FYCO1: variants seen among roughly 807,000 people sequenced by gnomAD.
FYCO1 encodes the protein FYVE and coiled-coil domain autophagy adaptor 1.
A neutral mutation model predicts 165.1 loss-of-function variants in FYCO1; 122 were observed. The ratio of observed to expected loss-of-function variants is 0.74; its 90% confidence interval spans 0.64 to 0.86. The LOEUF (loss-of-function observed/expected upper bound fraction) is 0.86. Among genes scored for constraint, FYCO1 ranks in the 40% least tolerant of loss-of-function variants. FYCO1 has a pLI of 0.00. For missense variants in FYCO1, 1,702 were observed against 1,810.3 expected (o/e 0.94, Z 1.09); for synonymous variants, 648 against 742.5 (o/e 0.87, Z 2.07).
intron 15 of FYCO1, among the ~76,000 whole-genome samples, chr3:45,933,017 C>A (rs1250184182): frequency 6.6e-6 from 1 of 152,184 alleles, no homozygotes; most frequent in Non-Finnish European, 1.5e-5. Context: ...TCCCCTGGCA[C>A]CCAGGTATTT....
Position 45,967,980 on chromosome 3 carries a change from T to G in FYCO1, c.1354A>C (p.Met452Leu). 6.2e-7 allele frequency: 1 copy of G among 1,614,116 alleles called. No individual in the cohort carries two copies. The highest frequency in any genetic ancestry group is 8.5e-7 in the Non-Finnish European group (1 of 1,180,022). ...GACAACTCCTCCTGGAGTGGGGCCA[T>G]CTCCTTCACCAGGCGCTCCAGGCTG... The part of the protein sequence containing the change: ...RASLERLVKE[M>L]APLQEELSGK... Residue 452 changes from methionine to leucine, a missense_variant, in exon 8 of 18, where the codon ATG becomes CTG. By Grantham distance (15) the Met-to-Leu change is conservative. Coordinates refer to ENST00000296137, the MANE Select transcript of FYCO1 (RefSeq NM_024513.4).
chr3:45,979,872 T>A, intron 3 of FYCO1, 42 bp from the exon 4 acceptor site: 1 of 1,611,580 alleles, frequency 6.2e-7, no homozygotes, highest in Non-Finnish European at 8.5e-7. Context: ...CCAAACCCAC[T>A]GCTCTTCATT....
In FYCO1 at chr3:45,967,921, T is replaced by A. The variant is rs149119466; in HGVS notation, c.1413A>T (p.Arg471=). 6.8e-6 allele frequency: 11 copies of A among 1,613,988 alleles called. No individual in the cohort carries two copies. The highest frequency in any genetic ancestry group is 9.3e-6 in the Non-Finnish European group (11 of 1,180,036). Residue 471 remains arginine, a synonymous_variant, in exon 8 of 18, where the codon CGA becomes CGT. Coordinates refer to ENST00000296137, the MANE Select transcript of FYCO1 (RefSeq NM_024513.4). ...TGTGGGCCAGCAACTCCTGCAGCCG[T>A]CGCCAGAGCTGGTCTGCCTCCTGTC... The part of the protein sequence containing the change: ...GKGQEADQLW[R]RLQELLAHTS...
Position 45,966,271 on chromosome 3 carries a change from G to T in FYCO1, c.3057+6C>A. 2 of 1,613,408 alleles carry T rather than the reference G, an allele frequency of 1.2e-6. No individual in the cohort carries two copies. The highest frequency in any genetic ancestry group is 1.7e-6 in the Non-Finnish European group (2 of 1,180,002). On this transcript the variant is annotated splice_donor_region_variant and intron_variant, in intron 8 of 17. Coordinates refer to ENST00000296137, the MANE Select transcript of FYCO1 (RefSeq NM_024513.4). Reference sequence around the variant, plus strand: ...GTAGAGCCCAAGTGGTTGAAGCTAGGATTACCTTAAGTCTGCTCTGGTAGT... The same window carrying T: ...GTAGAGCCCAAGTGGTTGAAGCTAGTATTACCTTAAGTCTGCTCTGGTAGT...
At chr3:45,972,984 A>T in intron 6 of FYCO1, 104 bp downstream of exon 6, 1 of 1,204,268 alleles carries the variant, frequency 8.3e-7, no homozygotes, top group Non-Finnish European at 1.2e-6. Flanking sequence ...AGGTTTGTGT[A>T]ATTTACTGAG....
intron 5 of FYCO1, among the ~76,000 whole-genome samples, chr3:45,974,011 T>C (rs1465383016): frequency 1.3e-5 from 2 of 152,248 alleles, no homozygotes; most frequent in African/African-American, 2.4e-5. Context: ...CAGTAAGCCA[T>C]GATCATGCCA....
In FYCO1 at chr3:45,966,586, G is replaced by C. The variant is rs142981160; in HGVS notation, c.2748C>G (p.Thr916=). ...CCTCCTCCACTCGCTCCTTTTCCACGGTCAGTGCGCAAACCTGGATGCCCA... is the reference window on the plus strand; with the variant it reads ...CCTCCTCCACTCGCTCCTTTTCCACCGTCAGTGCGCAAACCTGGATGCCCA... ...AELGIQVCAL[T]VEKERVEEAL... The change falls in exon 8 of 18, where the codon ACC becomes ACG. Residue 916 remains threonine (T), a synonymous_variant. Coordinates refer to ENST00000296137, the MANE Select transcript of FYCO1 (RefSeq NM_024513.4). The C allele has an allele frequency of 7.4e-6, 12 of 1,614,172 alleles. No homozygotes were observed. The South Asian group carries it at 8.8e-5, about 12-fold the overall frequency.
At chr3:45,957,045 T>A (rs936613787) in intron 13 of FYCO1, among the ~76,000 whole-genome samples, 1 of 152,132 alleles carries the variant, frequency 6.6e-6, no homozygotes, top group Non-Finnish European at 1.5e-5. Context: ...GGCACATAGA[T>A]AAATGGAATA....
At chr3:45,931,637 T>G (rs1220343657) in intron 15 of FYCO1, among the ~76,000 whole-genome samples, 1 of 152,228 alleles carries the variant, frequency 6.6e-6, no homozygotes, top group Non-Finnish European at 1.5e-5. Flanking sequence ...GAGGCACAGC[T>G]TTTTGCTGCT....
At chr3:45,965,381 C>T (rs900167043) in intron 8 of FYCO1, among the ~76,000 whole-genome samples, 9 of 152,132 alleles carry the variant, frequency 5.9e-5, no homozygotes, top group African/African-American at 2.4e-5. Flanking sequence ...TGGAGTTTCA[C>T]GGAGTGGGGT....
chr3:45,926,834 C>T (rs1169275383), intron 16 of FYCO1, among the ~76,000 whole-genome samples: 2 of 152,146 alleles, frequency 1.3e-5, no homozygotes, highest in African/African-American at 4.8e-5. Context: ...CATGGTGGCG[C>T]ATGCCTGTAA....
chr3:45,981,704 AC>A, intron 2 of FYCO1, 28 bp from the exon 3 acceptor site: 1 of 1,463,970 alleles, frequency 6.8e-7, no homozygotes, highest in Non-Finnish European at 9.6e-7. Flanking sequence ...GGAACATGTA[AC>A]CAGATAGTGA....
intron 14 of FYCO1, among the ~76,000 whole-genome samples, chr3:45,952,645 A>G (rs934299196): frequency 6.6e-6 from 1 of 152,134 alleles, no homozygotes; most frequent in African/African-American, 2.4e-5. Flanking sequence ...ACCAAACCAC[A>G]CATATTTGTC....
At chr3:45,926,983 GCTC>G (rs1703351953) in intron 16 of FYCO1, among the ~76,000 whole-genome samples, 2 of 148,576 alleles carry the variant, frequency 1.3e-5, no homozygotes, top group African/African-American at 5.0e-5. Context: ...AAAAAAGAAC[GCTC>G]CACCCAACAA....
chr3:45,922,169 G>A (rs961821318), intron 17 of FYCO1, among the ~76,000 whole-genome samples: 5 of 152,250 alleles, frequency 3.3e-5, no homozygotes, highest in African/African-American at 1.2e-4. Context: ...TGAGGAGCAG[G>A]CAATGGGAGG....
chr3:45,958,336 C>T, intron 13 of FYCO1, 72 bp downstream of exon 13: 2 of 1,371,888 alleles, frequency 1.5e-6, no homozygotes, highest in South Asian at 1.2e-5. Flanking sequence ...TTAGCACTAA[C>T]TAGCCACAAC....
chr3:45,968,443 C>G lies in FYCO1; in HGVS notation c.891G>C (p.Glu297Asp). ...DNVRLTCLVA[E>D]LQKQWEVTQA... ...GGGTGACCTCCCACTGCTTCTGGAG[C>G]TCAGCTACCAAGCAAGTGAGGCGAA... Residue 297 changes from glutamate (E) to aspartate (D), a missense_variant, in exon 8 of 18, where the codon GAG (glutamate) becomes GAC (aspartate). Physicochemically the swap from Glu to Asp is conservative, Grantham distance 45 (BLOSUM62 2). Transcript: ENST00000296137. The G allele has an allele frequency of 6.2e-7, 1 of 1,613,998 alleles. No homozygotes were observed. The highest frequency in any genetic ancestry group is 8.5e-7 in the Non-Finnish European group (1 of 1,180,006).
At chr3:45,941,116 C>T (rs1021892608) in intron 14 of FYCO1, 1 of 152,232 alleles carries the variant, frequency 6.6e-6, no homozygotes, top group Non-Finnish European at 1.5e-5. Flanking sequence ...AAACTCCTGG[C>T]TTCAATGATC....
intron 14 of FYCO1, chr3:45,940,921 C>T (rs1459659853): frequency 6.6e-6 from 1 of 152,178 alleles, no homozygotes; most frequent in African/African-American, 2.4e-5. Context: ...TCACCTTCTT[C>T]CGCTGGAGGT....
Sources: allele counts gnomAD v4.1 joint callset (sites outside exome capture counted in the v4.1 genomes callset), GRCh38; gene constraint gnomAD v4.1.1; transcripts MANE v1.5; gene names NCBI Gene and HGNC (gene_info 2026-07-23, HGNC 2026-07-21).